Variants in ELAVL1 observed in about 807,000 individuals in gnomAD.
ELAVL1 encodes the protein ELAV like RNA binding protein 1.
In ELAVL1, 1 loss-of-function variant was observed where a neutral mutation model predicts 28.4. The observed-to-expected ratio is 0.04, with a 90% confidence interval of 0.01 to 0.17. ELAVL1 has a LOEUF of 0.17. Among genes scored for constraint, ELAVL1 ranks in the 10% least tolerant of loss-of-function variants. The probability of loss-of-function intolerance (pLI) is 1.00; values close to 1 mark genes in which losing one functional copy is unlikely to be tolerated. For synonymous variants in ELAVL1, 174 were observed against 183.5 expected (o/e 0.95, Z 0.42); for missense variants, 157 against 447.2 (o/e 0.35, Z 5.85).
At chr19:7,983,852 T>C (rs545486304) in intron 2 of ELAVL1, among the ~76,000 whole-genome samples, 6 of 152,094 alleles carry the variant, frequency 3.9e-5, no homozygotes, top group Admixed American at 6.5e-5. Flanking sequence ...TCCCCTAGGA[T>C]GGTCACTGCC....
At chr19:7,995,573 T>C (rs1422089768) in intron 1 of ELAVL1, among the ~76,000 whole-genome samples, 2 of 152,218 alleles carry the variant, frequency 1.3e-5, no homozygotes, top group Admixed American at 6.5e-5. Flanking sequence ...TGTCTGTCTA[T>C]AGATAGTTTT....
chr19:7,981,260 A>C lies in ELAVL1; in HGVS notation c.173-74T>G. 1 of 1,433,908 alleles carries C rather than the reference A, an allele frequency of 7.0e-7. No homozygotes were observed. Among genetic ancestry groups the C allele is most frequent in the Non-Finnish European group, 9.8e-7 (1 of 1,017,406 alleles). 88.8% of individuals were successfully genotyped at this position (1,433,908 alleles called of 1,614,324 possible). On this transcript the variant is annotated intron_variant, in intron 2 of 5. Coordinates refer to ENST00000407627, the MANE Select transcript of ELAVL1 (RefSeq NM_001419.3). This position sits in a 1 kb window ranked among gnomAD's most constrained non-coding sequence, Gnocchi z 4.2. ...AGGGACAGGGAGGTCGGGAAGCACT[A>C]TATCTGCCTGGCCTTTGGGAAATGG...
intron 2 of ELAVL1, among the ~76,000 whole-genome samples, chr19:7,990,967 G>A (rs575243652): frequency 1.9e-4 from 29 of 152,274 alleles, no homozygotes; most frequent in Admixed American, 1.0e-3. Flanking sequence ...AAACACCTAC[G>A]AGGTAGGGAC....
chr19:8,004,167 T>A (rs2086611081), intron 1 of ELAVL1, among the ~76,000 whole-genome samples: 1 of 152,182 alleles, frequency 6.6e-6, no homozygotes, highest in Non-Finnish European at 1.5e-5. Context: ...AAATCCTCAA[T>A]AAATACTGGT....
chr19:7,990,018 AC>A (rs1467723892), intron 2 of ELAVL1, among the ~76,000 whole-genome samples: 5 of 152,198 alleles, frequency 3.3e-5, no homozygotes, highest in Admixed American at 6.5e-5. Flanking sequence ...CATAATAGAA[AC>A]TTTTGTTAAC....
chr19:7,992,987 T>C (rs891888782), intron 1 of ELAVL1, among the ~76,000 whole-genome samples: 1 of 152,154 alleles, frequency 6.6e-6, no homozygotes, highest in African/African-American at 2.4e-5. Context: ...CAGGTTAATT[T>C]TGAACTCCTG....
At chr19:7,974,098 G>A (rs1985205172) in intron 3 of ELAVL1, among the ~76,000 whole-genome samples, 1 of 152,244 alleles carries the variant, frequency 6.6e-6, no homozygotes, top group Non-Finnish European at 1.5e-5. Context: ...CTCACTGGGT[G>A]CTCACCATCC....
At chr19:8,004,884 A>G (rs1489728349) in intron 1 of ELAVL1, among the ~76,000 whole-genome samples, 7 of 152,186 alleles carry the variant, frequency 4.6e-5, no homozygotes, top group Non-Finnish European at 8.8e-5. Flanking sequence ...TGTGTTTCCA[A>G]CAGGCACACA....
In ELAVL1 at chr19:7,960,156, G is replaced by A. The variant is rs902715604; in HGVS notation, c.*3327C>T. Reference sequence around the variant, plus strand: ...CAAGGAATTGCCACTAACCGTCTTCGGGTGCTTCTATTTCTCTGATCCAGC... The same window carrying A: ...CAAGGAATTGCCACTAACCGTCTTCAGGTGCTTCTATTTCTCTGATCCAGC... On this transcript the variant is annotated 3_prime_UTR_variant, in exon 6 of 6. Coordinates refer to ENST00000407627, the MANE Select transcript of ELAVL1 (RefSeq NM_001419.3). 5 of 152,206 alleles carry A rather than the reference G, an allele frequency of 3.3e-5. No individual in the cohort carries two copies. Among genetic ancestry groups the A allele is most frequent in the Admixed American group, 6.5e-5 (1 of 15,282 alleles). 9.4% of individuals were successfully genotyped at this position (152,206 alleles called of 1,614,324 possible).
At chr19:7,975,030 G>A (rs1377714221) in intron 3 of ELAVL1, among the ~76,000 whole-genome samples, 1 of 152,184 alleles carries the variant, frequency 6.6e-6, no homozygotes, top group African/African-American at 2.4e-5. Context: ...GAGGGAGCAT[G>A]TCACTACGGA....
At chr19:8,002,099 C>T (rs1264298287) in intron 1 of ELAVL1, 22 of 1,289,362 alleles carry the variant, frequency 1.7e-5, no homozygotes, top group Non-Finnish European at 2.2e-5. Flanking sequence ...CCTGAGCACT[C>T]CTGCCACCAC....
chr19:7,992,730 T>C (rs747981596), intron 1 of ELAVL1, among the ~76,000 whole-genome samples: 1 of 152,228 alleles, frequency 6.6e-6, no homozygotes, highest in Non-Finnish European at 1.5e-5. Context: ...TGAACTCTAA[T>C]CTGAATTACG....
Position 7,963,947 on chromosome 19 carries a change from C to T in ELAVL1, c.657-140G>A, listed in dbSNP as rs1984880633. 2 of 914,408 alleles carry T rather than the reference C, an allele frequency of 2.2e-6. No individual in the cohort carries two copies. Among genetic ancestry groups the T allele is most frequent in the African/African-American group, 3.4e-5 (2 of 59,658 alleles). 56.6% of individuals were successfully genotyped at this position (914,408 alleles called of 1,614,324 possible). Reference sequence around the variant, plus strand: ...CACGAGGTGCTCACGGTTGAGACACCTGCATGGGTCAAAACCCTGGGAGGA... The same window carrying T: ...CACGAGGTGCTCACGGTTGAGACACTTGCATGGGTCAAAACCCTGGGAGGA... On this transcript the variant is annotated intron_variant, in intron 5 of 5. Transcript: ENST00000407627. This position sits in a 1 kb window ranked among gnomAD's most constrained non-coding sequence, Gnocchi z 4.5.
At chr19:7,991,541 GTTATCCT>G in intron 2 of ELAVL1, 96 bp downstream of exon 2, 5 of 1,176,044 alleles carry the variant, frequency 4.3e-6, no homozygotes, top group Non-Finnish European at 6.0e-6. Flanking sequence ...CAAGGCTGTA[GTTATCCT>G]GCACTGAGGA....
chr19:8,001,648 T>A (rs112446350), intron 1 of ELAVL1, among the ~76,000 whole-genome samples: 298 of 151,576 alleles, frequency 2.0e-3, no homozygotes, highest in East Asian at 0.013. Flanking sequence ...TTTTTTTTTT[T>A]AGAGATGGGA....
chr19:7,975,907 T>C (rs1379359939), intron 3 of ELAVL1, among the ~76,000 whole-genome samples: 2 of 151,974 alleles, frequency 1.3e-5, no homozygotes, highest in African/African-American at 4.8e-5. Context: ...GAGTTCAGCC[T>C]GGGCAACATG....
intron 4 of ELAVL1, 26 bp downstream of exon 4, chr19:7,973,699 C>A (rs1339949044): frequency 1.2e-6 from 2 of 1,605,000 alleles, no homozygotes; most frequent in Admixed American, 3.4e-5. Context: ...AACACCCTCC[C>A]CACGCGTCTG....
intron 3 of ELAVL1, among the ~76,000 whole-genome samples, 187 bp downstream of exon 3, chr19:7,980,896 G>A (rs1985443385): frequency 6.6e-6 from 1 of 152,162 alleles, no homozygotes; most frequent in Admixed American, 6.5e-5. Context: ...ACCCTGGGCG[G>A]GGAGTGGGTC....
chr19:7,986,515 G>A (rs1390422234), intron 2 of ELAVL1, among the ~76,000 whole-genome samples: 1 of 152,220 alleles, frequency 6.6e-6, no homozygotes, highest in South Asian at 2.1e-4. Context: ...ATCCTGCCAA[G>A]GCTAGCGGAT....
Sources: gnomAD v4.1 joint callset for allele counts (sites outside exome capture counted in the v4.1 genomes callset) on GRCh38, gnomAD v4.1.1 for gene constraint, Gnocchi (gnomAD v3.1) non-coding constraint, MANE v1.5 for transcripts, NCBI Gene and HGNC (gene_info 2026-07-23, HGNC 2026-07-21) for gene names.